MAP3K20: variants seen among roughly 807,000 people sequenced by gnomAD.
MAP3K20 encodes HCCS-4.
MAP3K20 carries 40 observed loss-of-function variants against 85.7 expected under a neutral mutation model. The observed-to-expected ratio is 0.47, with a 90% confidence interval of 0.36 to 0.61. The LOEUF is 0.61. Among genes scored for constraint, MAP3K20 ranks in the 20% least tolerant of loss-of-function variants. The pLI, the probability that MAP3K20 is intolerant of heterozygous loss-of-function variation, is 0.00. For missense variants in MAP3K20, 817 were observed against 961.7 expected (o/e 0.85, Z 1.99); for synonymous variants, 325 against 327.7 (o/e 0.99, Z 0.09).
intron 2 of MAP3K20, among the ~76,000 whole-genome samples, chr2:173,108,274 A>G (rs1328729123): frequency 6.6e-6 from 1 of 152,074 alleles, no homozygotes; most frequent in Non-Finnish European, 1.5e-5. Context: ...CCGGGATTAC[A>G]GGCATGTGTC....
chr2:173,245,644 G>A (rs1033703926), intron 16 of MAP3K20, among the ~76,000 whole-genome samples: 1 of 152,152 alleles, frequency 6.6e-6, no homozygotes, highest in African/African-American at 2.4e-5. Context: ...TAATTTAAAT[G>A]ACATAGGCCA....
chr2:173,233,170 C>T (rs1574141942), intron 14 of MAP3K20, among the ~76,000 whole-genome samples: 1 of 152,182 alleles, frequency 6.6e-6, no homozygotes, highest in East Asian at 1.9e-4. Context: ...CAGGAGGTGA[C>T]TCAGTTTAAT....
chr2:173,148,375 C>T (rs2106223501), intron 2 of MAP3K20, among the ~76,000 whole-genome samples: 1 of 152,268 alleles, frequency 6.6e-6, no homozygotes, highest in Non-Finnish European at 1.5e-5. Flanking sequence ...GAGAGGTAGG[C>T]TGTTTCATGG....
chr2:173,119,295 T>TG (rs1688211173), intron 2 of MAP3K20, among the ~76,000 whole-genome samples: 1 of 152,048 alleles, frequency 6.6e-6, no homozygotes, highest in Non-Finnish European at 1.5e-5. Flanking sequence ...GAGTGTGTCA[T>TG]GGGGCAGAGC....
intron 2 of MAP3K20, among the ~76,000 whole-genome samples, chr2:173,162,046 A>G (rs563437018): frequency 6.6e-6 from 1 of 152,352 alleles, no homozygotes; most frequent in Admixed American, 6.5e-5. Context: ...TATAAAAATT[A>G]CATAGACTTA....
At chr2:173,160,849 G>A (rs1262959301) in intron 2 of MAP3K20, among the ~76,000 whole-genome samples, 1 of 152,176 alleles carries the variant, frequency 6.6e-6, no homozygotes, top group Non-Finnish European at 1.5e-5. Flanking sequence ...TAGGAATGGA[G>A]CTTGTGTGCA....
chr2:173,085,330 T>G (rs986541082), intron 1 of MAP3K20, among the ~76,000 whole-genome samples: 1 of 152,192 alleles, frequency 6.6e-6, no homozygotes, highest in Non-Finnish European at 1.5e-5. Context: ...GGTCTGTGAA[T>G]AGAGAAACTT....
intron 2 of MAP3K20, among the ~76,000 whole-genome samples, chr2:173,138,161 G>A (rs892478900): frequency 3.3e-5 from 5 of 152,026 alleles, no homozygotes; most frequent in Non-Finnish European, 7.4e-5. Context: ...AGTAGAGACG[G>A]GGTTTCATTA....
intron 10 of MAP3K20, chr2:173,210,366 AAT>A: frequency 6.5e-6 from 1 of 153,502 alleles, no homozygotes; most frequent in East Asian, 1.9e-4. Flanking sequence ...AAAAAAAAAA[AAT>A]TGAAATCCTG....
At position 173,232,430 on chromosome 2, in the gene MAP3K20, G is replaced by T. The variant is rs1276258158; in HGVS notation, c.1174G>T (p.Val392Phe). 6.2e-7 allele frequency: 1 copy of T among 1,614,258 alleles called. No homozygotes were observed. The highest frequency in any genetic ancestry group is 1.7e-5 in the Admixed American group (1 of 60,032). ...AGAAGACCTGAAAGACATGGGCATT[G>T]TCTCCAAGGGGCATATCATTCACTT... ...EEEDLKDMGIVSKGHIIHFKS... is the reference protein window; with the variant it reads ...EEEDLKDMGIFSKGHIIHFKS... Residue 392 changes from valine to phenylalanine, a missense_variant, in exon 14 of 20, where the codon GTC becomes TTC. By Grantham distance (50) the Val-to-Phe change is conservative (BLOSUM62 -1). This residue lies in a region of MAP3K20 where 5 missense variants were observed against 20.0 expected (regional missense o/e 0.25). Coordinates refer to ENST00000375213, the MANE Select transcript of MAP3K20 (RefSeq NM_016653.3).
intron 2 of MAP3K20, among the ~76,000 whole-genome samples, chr2:173,155,551 T>C (rs1362085154): frequency 6.6e-6 from 1 of 152,200 alleles, no homozygotes; most frequent in Admixed American, 6.5e-5. Flanking sequence ...CTCAAAATGA[T>C]TGCTTTCATC....
At chr2:173,141,451 C>T (rs1424498874) in intron 2 of MAP3K20, among the ~76,000 whole-genome samples, 1 of 151,986 alleles carries the variant, frequency 6.6e-6, no homozygotes, top group African/African-American at 2.4e-5. Flanking sequence ...ACTGATGGGG[C>T]TTAACAGCAG....
intron 2 of MAP3K20, among the ~76,000 whole-genome samples, chr2:173,114,628 G>A (rs147855244): frequency 1.3e-3 from 192 of 152,216 alleles, no homozygotes; most frequent in African/African-American, 4.3e-3. Context: ...GAATTTGTTT[G>A]TCTGAAAAAG....
chr2:173,195,397 T>C (rs867977576), intron 7 of MAP3K20, among the ~76,000 whole-genome samples: 14 of 152,194 alleles, frequency 9.2e-5, no homozygotes, highest in Middle Eastern at 3.2e-3. Flanking sequence ...AAAAAGTACG[T>C]AGTCTTTTCC....
Position 173,112,352 on chromosome 2 carries a change from A to C in MAP3K20, c.159+21162A>C, listed in dbSNP as rs564585674. On this transcript the variant is annotated intron_variant, in intron 2 of 19. Coordinates refer to ENST00000375213, the MANE Select transcript of MAP3K20 (RefSeq NM_016653.3). ...AAGGTAAACAATCATATCATCAGCA[A>C]ACAGTGACAGTTTGACTTCCTCTTC... Among the ~76,000 whole-genome samples the C allele has an allele frequency of 2.7e-4, 41 of 152,294 alleles. No individual in the cohort carries two copies. In the East Asian group the frequency reaches 6.9e-3, roughly 26 times the overall value.
intron 3 of MAP3K20, among the ~76,000 whole-genome samples, chr2:173,174,874 A>G (rs938095373): frequency 5.9e-5 from 9 of 152,186 alleles, no homozygotes; most frequent in Non-Finnish European, 7.3e-5. Context: ...GTATTATACT[A>G]TCTCTGGATA....
intron 11 of MAP3K20, chr2:173,222,866 C>A (rs1354190889): frequency 1.0e-6 from 1 of 985,198 alleles, no homozygotes; most frequent in Non-Finnish European, 1.2e-6. Context: ...TTTGTCAAAG[C>A]TTGTTTAAAT....
intron 18 of MAP3K20, among the ~76,000 whole-genome samples, chr2:173,261,909 C>T (rs888719131): frequency 1.3e-5 from 2 of 151,426 alleles, no homozygotes; most frequent in African/African-American, 4.9e-5. Flanking sequence ...CCCAGCTACT[C>T]GGGAGGTTGA....
At chr2:173,143,896 T>C (rs1689048032) in intron 2 of MAP3K20, among the ~76,000 whole-genome samples, 2 of 151,800 alleles carry the variant, frequency 1.3e-5, no homozygotes, top group African/African-American at 4.8e-5. Context: ...TAAAAAAAAA[T>C]TATTTACATT....
Sources: allele counts gnomAD v4.1 joint callset (sites outside exome capture counted in the v4.1 genomes callset), GRCh38; gene constraint gnomAD v4.1.1; regional missense constraint gnomAD v4.1.1; transcripts MANE v1.5; gene names NCBI Gene and HGNC (gene_info 2026-07-23, HGNC 2026-07-21).